Variants in PILRA observed in about 807,000 individuals in gnomAD.
PILRA encodes the protein paired immunoglobin like type 2 receptor alpha, also known as paired immunoglobulin-like type 2 receptor alpha.
In PILRA, 37 loss-of-function variants were observed where a neutral mutation model predicts 33.1. The observed-to-expected ratio is 1.12, with a 90% confidence interval of 0.86 to 1.47. The LOEUF is 1.47. PILRA is among the 40% of genes most tolerant of loss of function. The pLI is 0.00. For synonymous variants in PILRA, 146 were observed against 149.9 expected (o/e 0.97, Z 0.19); for missense variants, 312 against 376.2 (o/e 0.83, Z 1.41).
intron 2 of PILRA, among the ~76,000 whole-genome samples, chr7:100,378,377 T>C (rs1176408735): frequency 6.6e-6 from 1 of 151,722 alleles, no homozygotes; most frequent in Non-Finnish European, 1.5e-5. Flanking sequence ...ACAAAAAATA[T>C]TTTTCTGTTG....
At chr7:100,377,231 C>CTTTTTTTTTTTTTTT (rs761225046) in intron 2 of PILRA, among the ~76,000 whole-genome samples, 1 of 100,940 alleles carries the variant, frequency 9.9e-6, no homozygotes, top group Non-Finnish European at 2.0e-5. Flanking sequence ...TTTTCTATTT[C>CTTTTTTTTTTTTTTT]TTTTTTTTTT....
chr7:100,377,231 CTTTTT>C (rs761225046), intron 2 of PILRA, among the ~76,000 whole-genome samples: 4 of 100,936 alleles, frequency 4.0e-5, no homozygotes, highest in African/African-American at 1.2e-4. Flanking sequence ...TTTTCTATTT[CTTTTT>C]TTTTTTTTTT....
At chr7:100,377,748 A>T (rs1027002401) in intron 2 of PILRA, among the ~76,000 whole-genome samples, 7 of 151,672 alleles carry the variant, frequency 4.6e-5, no homozygotes, top group South Asian at 2.1e-4. Flanking sequence ...TTCTTAATTT[A>T]AAAAAAAATT....
intron 3 of PILRA, among the ~76,000 whole-genome samples, chr7:100,391,165 C>T (rs1387348963): frequency 9.9e-5 from 14 of 141,124 alleles, no homozygotes; most frequent in Non-Finnish European, 1.7e-4. Context: ...ATAATAATAA[C>T]AATAATAATA....
chr7:100,380,626 G>A (rs1791068385), intron 2 of PILRA, among the ~76,000 whole-genome samples: 1 of 152,018 alleles, frequency 6.6e-6, no homozygotes, highest in Non-Finnish European at 1.5e-5. Flanking sequence ...CAAGAATCTG[G>A]CAACATAGCA....
intron 2 of PILRA, among the ~76,000 whole-genome samples, chr7:100,382,939 G>A (rs554081482): frequency 2.6e-5 from 4 of 152,314 alleles, no homozygotes; most frequent in South Asian, 2.1e-4. Flanking sequence ...AACTGCAAGC[G>A]TCCGTGGCTT....
intron 2 of PILRA, among the ~76,000 whole-genome samples, chr7:100,375,308 A>G (rs1790919691): frequency 6.6e-6 from 1 of 152,128 alleles, no homozygotes; most frequent in South Asian, 2.1e-4. Context: ...GCCCTAGTGA[A>G]CCCTCACCAA....
At chr7:100,377,227 A>ATTTTTTTT (rs1790971780) in intron 2 of PILRA, among the ~76,000 whole-genome samples, 1 of 80,790 alleles carries the variant, frequency 1.2e-5, no homozygotes, top group Non-Finnish European at 2.6e-5. Context: ...TCACTTTTCT[A>ATTTTTTTT]TTTCTTTTTT....
intron 2 of PILRA, among the ~76,000 whole-genome samples, chr7:100,381,258 T>C (rs939295913): frequency 2.6e-5 from 4 of 151,296 alleles, no homozygotes; most frequent in Non-Finnish European, 5.9e-5. Flanking sequence ...AGAGCGAGAC[T>C]ACCGTCTCAC....
At chr7:100,398,459 T>C (rs1221965164) in intron 4 of PILRA, among the ~76,000 whole-genome samples, 20 of 152,014 alleles carry the variant, frequency 1.3e-4, no homozygotes, top group Admixed American at 1.3e-3. Flanking sequence ...CCCTCCCACC[T>C]CTCTTTCCTT....
chr7:100,387,418 T>G (rs186221636), intron 2 of PILRA, among the ~76,000 whole-genome samples: 1 of 152,346 alleles, frequency 6.6e-6, no homozygotes, highest in Admixed American at 6.5e-5. Flanking sequence ...TTCACCATGT[T>G]GGCCAGGCTG....
chr7:100,396,118 C>T (rs1368016337), intron 3 of PILRA, among the ~76,000 whole-genome samples: 1 of 151,872 alleles, frequency 6.6e-6, no homozygotes, highest in Non-Finnish European at 1.5e-5. Context: ...AGCGAGACTT[C>T]ATCTCAAAAT....
intron 2 of PILRA, among the ~76,000 whole-genome samples, chr7:100,388,270 T>G (rs1024654430): frequency 2.0e-5 from 3 of 152,200 alleles, no homozygotes; most frequent in African/African-American, 7.2e-5. Flanking sequence ...AGGAGCCTGA[T>G]TTTTTTGTCC....
In PILRA at chr7:100,391,619, C is replaced by T. The variant is rs955722324; in HGVS notation, c.673+1513C>T. 3.3e-5 allele frequency among the ~76,000 whole-genome samples: 5 copies of T among 152,222 alleles called. No individual in the cohort carries two copies. The East Asian group carries it at 7.7e-4, about 24-fold the overall frequency. On this transcript the variant is annotated intron_variant, in intron 3 of 6. Coordinates refer to ENST00000198536, the MANE Select transcript of PILRA (RefSeq NM_013439.3). ...AGAAGACTGCTTGAGCCTGGGAGGT[C>T]GAGGCTGCAGTGAGCCATGATTGTG...
chr7:100,379,874 G>T (rs928880690), intron 2 of PILRA, among the ~76,000 whole-genome samples: 4 of 152,090 alleles, frequency 2.6e-5, no homozygotes, highest in African/African-American at 9.7e-5. Context: ...AATGGAATTG[G>T]TTTAGGAGCC....
chr7:100,385,247 C>T (rs1791228718), intron 2 of PILRA, among the ~76,000 whole-genome samples: 1 of 152,092 alleles, frequency 6.6e-6, no homozygotes, highest in African/African-American at 2.4e-5. Flanking sequence ...GTGCAGGAGG[C>T]TGCTGTTTTT....
intron 2 of PILRA, among the ~76,000 whole-genome samples, chr7:100,375,158 C>T (rs1033214426): frequency 4.6e-5 from 7 of 152,330 alleles, no homozygotes; most frequent in South Asian, 2.1e-4. Flanking sequence ...TTCTTCCAGC[C>T]GTGCTCTCCC....
intron 3 of PILRA, among the ~76,000 whole-genome samples, chr7:100,395,301 G>A (rs1024736709): frequency 1.3e-5 from 2 of 152,070 alleles, no homozygotes; most frequent in Admixed American, 6.5e-5. Context: ...TCTGCCAAAC[G>A]GATTAATGCC....
chr7:100,398,923 A>G (rs1023034133), intron 4 of PILRA, among the ~76,000 whole-genome samples: 2 of 151,378 alleles, frequency 1.3e-5, no homozygotes, highest in African/African-American at 2.4e-5. Context: ...AACACGTGTC[A>G]TAACTCTTTC....
Sources: allele counts gnomAD v4.1 joint callset (sites outside exome capture counted in the v4.1 genomes callset), GRCh38; gene constraint gnomAD v4.1.1; transcripts MANE v1.5; gene names NCBI Gene and HGNC (gene_info 2026-07-23, HGNC 2026-07-21).